WDR19: variants seen among roughly 807,000 people sequenced by gnomAD.
The protein encoded by WDR19 is WD repeat-containing protein 19.
In WDR19, 121 loss-of-function variants were observed where a neutral mutation model predicts 180.0. That is an observed-to-expected ratio of 0.67 (90% CI 0.58 to 0.78). WDR19 has a LOEUF of 0.78. Ranked by LOEUF, WDR19 falls within the 30% of genes least tolerant of loss-of-function variation. WDR19 has a pLI of 0.00. For synonymous variants in WDR19, 497 were observed against 540.7 expected (o/e 0.92, Z 1.12); for missense variants, 1,450 against 1,640.7 (o/e 0.88, Z 2.01).
chr4:39,259,841 A>G (rs1450151546), intron 28 of WDR19, among the ~76,000 whole-genome samples: 1 of 152,242 alleles, frequency 6.6e-6, no homozygotes. Context: ...ACATTCCAAC[A>G]GGCACTGTGT....
chr4:39,280,201 A>G (rs1334299981), intron 36 of WDR19, among the ~76,000 whole-genome samples: 2 of 134,486 alleles, frequency 1.5e-5, no homozygotes, highest in African/African-American at 2.7e-5. Flanking sequence ...GGCTCAAACA[A>G]TCCTCCTACC....
intron 5 of WDR19, among the ~76,000 whole-genome samples, chr4:39,196,138 C>T (rs550118436): frequency 6.6e-6 from 1 of 152,268 alleles, no homozygotes; most frequent in East Asian, 1.9e-4. Context: ...TTTCTTTGGA[C>T]ACCCAGTTCC....
chr4:39,241,786 A>T (rs1413650746), intron 21 of WDR19, among the ~76,000 whole-genome samples: 4 of 132,948 alleles, frequency 3.0e-5, no homozygotes, highest in African/African-American at 8.9e-5. Context: ...CAAGAGGGAA[A>T]CTCTGTCTCA....
In WDR19 at chr4:39,219,085, C is replaced by G. The variant is rs573041320; in HGVS notation, c.1479+980C>G. ...ATACCTCCTGAAGGACCTGGTTGAGCCTGTTTTACAGTTAACTTTTTTTTA... is the reference window on the plus strand; with the variant it reads ...ATACCTCCTGAAGGACCTGGTTGAGGCTGTTTTACAGTTAACTTTTTTTTA... On this transcript the variant is annotated intron_variant, in intron 14 of 36. Transcript: ENST00000399820. 5 of 152,162 alleles carry G rather than the reference C, an allele frequency of 3.3e-5. No individual in the cohort carries two copies. The South Asian group carries it at 6.2e-4, about 19-fold the overall frequency. The allele number at this position is 152,162 out of a possible 1,614,324, so 9.4% of individuals were successfully genotyped here. A position where few individuals can be genotyped will look rare whatever the true frequency, so the allele number is the denominator to read the frequency against.
intron 36 of WDR19, among the ~76,000 whole-genome samples, chr4:39,279,118 C>G (rs1736203333): frequency 6.6e-6 from 1 of 152,202 alleles, no homozygotes; most frequent in South Asian, 2.1e-4. Context: ...CCATTGGAAG[C>G]ACTTACTCGT....
chr4:39,191,670 C>T (rs1726160745), intron 4 of WDR19, among the ~76,000 whole-genome samples: 1 of 152,200 alleles, frequency 6.6e-6, no homozygotes, highest in Non-Finnish European at 1.5e-5. Flanking sequence ...CTATACATAA[C>T]ATCTGCTTCA....
chr4:39,214,742 C>A, intron 10 of WDR19, 71 bp downstream of exon 10: 1 of 942,016 alleles, frequency 1.1e-6, no homozygotes, highest in Non-Finnish European at 1.6e-6. Context: ...TGTTTGTTAT[C>A]GTGTGATTTG....
Position 39,277,969 on chromosome 4 carries a change from G to A in WDR19, c.3841-162G>A, listed in dbSNP as rs896005679. 2.0e-5 allele frequency among the ~76,000 whole-genome samples: 3 copies of A among 151,604 alleles called. No individual in the cohort carries two copies. The East Asian group carries it at 5.8e-4, about 29-fold the overall frequency. ...CTCAGGAGTCTGAGGCAGAAGAATC[G>A]CTTGAACCCAGGAGGTGGAGGTTGC... On this transcript the variant is annotated intron_variant, in intron 34 of 36. Coordinates refer to ENST00000399820, the MANE Select transcript of WDR19 (RefSeq NM_025132.4).
chr4:39,214,542 T>TA (rs1728863332), intron 9 of WDR19, 59 bp from the exon 10 acceptor site: 1 of 1,045,446 alleles, frequency 9.6e-7, no homozygotes, highest in Non-Finnish European at 1.4e-6. Flanking sequence ...TTTTGTGAAT[T>TA]AAAACAGTTT....
intron 33 of WDR19, among the ~76,000 whole-genome samples, chr4:39,276,484 C>G (rs1347627638): frequency 6.6e-6 from 1 of 152,126 alleles, no homozygotes; most frequent in Non-Finnish European, 1.5e-5. Context: ...ACCTGCTAGC[C>G]ACATGTGGCT....
chr4:39,229,875 T>C (rs6845945), intron 17 of WDR19, among the ~76,000 whole-genome samples: 9,677 of 152,230 alleles, frequency 0.064, 1,051 homozygotes, highest in African/African-American at 0.22. Flanking sequence ...AGGCCCCTAT[T>C]TTCCCTCACT....
At chr4:39,188,452 C>T (rs961249336) in intron 3 of WDR19, among the ~76,000 whole-genome samples, 1 of 151,786 alleles carries the variant, frequency 6.6e-6, no homozygotes, top group Admixed American at 6.6e-5. Flanking sequence ...CAGGGGCTCA[C>T]ACCTGTAATC....
At chr4:39,279,315 T>G (rs1295801864) in intron 36 of WDR19, among the ~76,000 whole-genome samples, 2 of 152,208 alleles carry the variant, frequency 1.3e-5, no homozygotes, top group Admixed American at 1.3e-4. Flanking sequence ...TCTCTCTGTT[T>G]TCCCTTCCTC....
chr4:39,246,568 G>A (rs527266329), intron 24 of WDR19, among the ~76,000 whole-genome samples: 5 of 152,310 alleles, frequency 3.3e-5, no homozygotes, highest in East Asian at 1.9e-4. Context: ...CGCCTCACCC[G>A]GGAAGCACAA....
At chr4:39,211,929 C>CAG (rs60128786) in intron 9 of WDR19, among the ~76,000 whole-genome samples, 49 of 135,334 alleles carry the variant, frequency 3.6e-4, no homozygotes, top group African/African-American at 1.3e-3. Flanking sequence ...TATAGACAGA[C>CAG]AGAGAGAGAG....
intron 14 of WDR19, 22 bp downstream of exon 14, chr4:39,218,127 A>G (rs1233760721): frequency 3.2e-6 from 5 of 1,584,652 alleles, no homozygotes; most frequent in Non-Finnish European, 4.3e-6. Context: ...CTTCTTTTTT[A>G]GAGAACACTG....
At chr4:39,193,648 C>G (rs1726408911) in intron 4 of WDR19, among the ~76,000 whole-genome samples, 1 of 152,080 alleles carries the variant, frequency 6.6e-6, no homozygotes, top group Non-Finnish European at 1.5e-5. Context: ...CAGAGGAAAC[C>G]TCTTTAAACT....
chr4:39,190,471 A>G (rs1166453957), intron 4 of WDR19, among the ~76,000 whole-genome samples: 1 of 152,212 alleles, frequency 6.6e-6, no homozygotes, highest in Non-Finnish European at 1.5e-5. Flanking sequence ...TGCCATTTTG[A>G]CCTTGGACAA....
chr4:39,275,330 A>T, intron 33 of WDR19: 1 of 210,974 alleles, frequency 4.7e-6, no homozygotes, highest in South Asian at 7.7e-5. Flanking sequence ...ACAGAGTGAG[A>T]CCCCATCTCA....
Sources: allele counts gnomAD v4.1 joint callset (sites outside exome capture counted in the v4.1 genomes callset), GRCh38; gene constraint gnomAD v4.1.1; transcripts MANE v1.5; gene names NCBI Gene and HGNC (gene_info 2026-07-23, HGNC 2026-07-21).